Variants in PDLIM3 observed in about 807,000 individuals in gnomAD.
PDLIM3 encodes the protein PDZ and LIM domain 3.
A neutral mutation model predicts 37.3 loss-of-function variants in PDLIM3; 36 were observed. That is an observed-to-expected ratio of 0.97 (90% CI 0.74 to 1.28). PDLIM3 has a LOEUF of 1.28. PDLIM3 is among the 50% of genes most tolerant of loss of function. The pLI is 0.00. For missense variants in PDLIM3, 454 were observed against 485.0 expected (o/e 0.94, Z 0.60); for synonymous variants, 174 against 182.4 (o/e 0.95, Z 0.37).
intron 7 of PDLIM3, among the ~76,000 whole-genome samples, chr4:185,503,012 G>T (rs1425729354): frequency 1.3e-5 from 2 of 152,156 alleles, no homozygotes; most frequent in Non-Finnish European, 2.9e-5. Flanking sequence ...CAGATCACAA[G>T]GTCAGGAGAT....
In PDLIM3 at chr4:185,535,346, G is replaced by A. The variant is rs780461100; in HGVS notation, c.89C>T (p.Thr30Ile). 2 of 1,607,642 alleles carry A rather than the reference G, an allele frequency of 1.2e-6. No homozygotes were observed. Among genetic ancestry groups the A allele is most frequent in the East Asian group, 2.3e-5 (1 of 44,430 alleles). ...AGCAAGAATGCCGACACCTACCCTG[G>A]TGATGACCAAAGGCTGGTTGAAGTC... ...GIDFNQPLVITRITPGSKAAA... is the reference protein window; with the variant it reads ...GIDFNQPLVIIRITPGSKAAA... Residue 30 changes from threonine (T) to isoleucine (I), a missense_variant, in exon 1 of 8, where the codon ACC becomes ATC. Coordinates refer to ENST00000284767, the MANE Select transcript of PDLIM3 (RefSeq NM_014476.6).
chr4:185,525,487 C>T (rs1277363912), intron 1 of PDLIM3, among the ~76,000 whole-genome samples: 1 of 152,108 alleles, frequency 6.6e-6, no homozygotes, highest in Non-Finnish European at 1.5e-5. Flanking sequence ...TTTCATCACC[C>T]AGAAGTCTCT....
intron 4 of PDLIM3, chr4:185,513,555 G>T: frequency 1.0e-6 from 1 of 983,456 alleles, no homozygotes; most frequent in Non-Finnish European, 1.2e-6. Context: ...AATAAAACAT[G>T]CCTGTGAAAT....
intron 4 of PDLIM3, chr4:185,513,146 C>A (rs1036648742): frequency 1.4e-5 from 14 of 983,750 alleles, no homozygotes; most frequent in Non-Finnish European, 1.6e-5. Context: ...TCAGACCAGG[C>A]CCCTGCAGAC....
chr4:185,504,227 CTTTT>C lies in PDLIM3; in HGVS notation c.905+244_905+247del, dbSNP rs969353962. On this transcript the variant is annotated intron_variant, in intron 7 of 7. Coordinates refer to ENST00000284767, the MANE Select transcript of PDLIM3 (RefSeq NM_014476.6). This position sits in a 1 kb window ranked among gnomAD's most constrained non-coding sequence, Gnocchi z 4.7. ...GACTTTTCAACATACATTTGGGCAT[CTTTT>C]TTTTTTCATGAGAATCTATCTGAAA... 4.7e-5 allele frequency among the ~76,000 whole-genome samples: 7 copies of C among 148,480 alleles called. No individual in the cohort carries two copies. The highest frequency in any genetic ancestry group is 1.7e-4 in the African/African-American group (7 of 40,462).
At chr4:185,507,957 C>G (rs1345698164) in intron 5 of PDLIM3, among the ~76,000 whole-genome samples, 1 of 151,952 alleles carries the variant, frequency 6.6e-6, no homozygotes, top group Non-Finnish European at 1.5e-5. Flanking sequence ...AAGTATTACA[C>G]CAGATATTTG....
chr4:185,521,727 T>C (rs1407399877), intron 3 of PDLIM3, among the ~76,000 whole-genome samples: 1 of 65,950 alleles, frequency 1.5e-5, no homozygotes, highest in African/African-American at 2.8e-5. Context: ...ATGCAACAGC[T>C]GAGAGTGATG....
Position 185,525,129 on chromosome 4 carries a change from C to G in PDLIM3, c.136G>C (p.Gly46Arg). 1.2e-6 allele frequency: 2 copies of G among 1,614,208 alleles called. No individual in the cohort carries two copies. Among genetic ancestry groups the G allele is most frequent in the Non-Finnish European group, 1.7e-6 (2 of 1,180,018 alleles). Reference sequence around the variant, plus strand: ...CCGTCAATAGCCAGGATGACATCTCCAGGACACAGGTTGGCAGCTGCCGCC... The same window carrying G: ...CCGTCAATAGCCAGGATGACATCTCGAGGACACAGGTTGGCAGCTGCCGCC... ...SKAAAANLCP[G>R]DVILAIDGFG... The change falls in exon 2 of 8, where the codon GGA becomes CGA. Residue 46 changes from glycine (G) to arginine (R), a missense_variant. Physicochemically the swap from Gly to Arg is moderately radical, Grantham distance 125. Coordinates refer to ENST00000284767, the MANE Select transcript of PDLIM3 (RefSeq NM_014476.6).
chr4:185,524,978 T>C (rs371197285), intron 2 of PDLIM3, 42 bp downstream of exon 2: 26 of 1,604,992 alleles, frequency 1.6e-5, no homozygotes, highest in Non-Finnish European at 2.0e-5. Context: ...CAGGTTCTCC[T>C]GCAAAACAGA....
intron 7 of PDLIM3, 36 bp from the exon 8 acceptor site, chr4:185,502,519 C>T: frequency 6.3e-7 from 1 of 1,594,724 alleles, no homozygotes; most frequent in Admixed American, 1.7e-5. Context: ...GTTAAAAAAC[C>T]ACAGAGCAAA....
At chr4:185,519,686 A>G (rs527356040) in intron 3 of PDLIM3, among the ~76,000 whole-genome samples, 2 of 152,176 alleles carry the variant, frequency 1.3e-5, no homozygotes, top group Non-Finnish European at 2.9e-5. Context: ...GGGGAAAAAA[A>G]CCCCCAGAAA....
In PDLIM3 at chr4:185,522,005, A is replaced by G. The variant is rs2095723989; in HGVS notation, c.330+1357T>C. ...TTAGTGGATTTTAGATTCAGACTCT[A>G]CCTTCCCTTTAGTCAAAACTCTACG... On this transcript the variant is annotated intron_variant, in intron 3 of 7. Coordinates refer to ENST00000284767, the MANE Select transcript of PDLIM3 (RefSeq NM_014476.6). Among the ~76,000 whole-genome samples, 2 of 66,338 alleles carry G rather than the reference A, an allele frequency of 3.0e-5. 1 individual carries two copies. The highest frequency in any genetic ancestry group is 3.4e-4 in the Admixed American group (2 of 5,918). 43.5% of individuals were successfully genotyped at this position (66,338 alleles called of 152,430 possible). A position where few individuals can be genotyped will look rare whatever the true frequency, so the allele number is the denominator to read the frequency against.
intron 4 of PDLIM3, chr4:185,513,094 T>G (rs1057164846): frequency 9.0e-5 from 89 of 984,800 alleles, no homozygotes; most frequent in Admixed American, 6.2e-5. Context: ...GAGCATTTAT[T>G]CTGTCTCATT....
At chr4:185,529,240 G>A (rs1281922086) in intron 1 of PDLIM3, among the ~76,000 whole-genome samples, 4 of 152,132 alleles carry the variant, frequency 2.6e-5, no homozygotes, top group African/African-American at 7.2e-5. Context: ...TCTAGGAGAG[G>A]AGCCAGGGAA....
intron 3 of PDLIM3, among the ~76,000 whole-genome samples, chr4:185,518,058 A>G (rs1276069383): frequency 1.3e-5 from 2 of 152,220 alleles, no homozygotes; most frequent in African/African-American, 4.8e-5. Context: ...TGTTTATTCT[A>G]TCTAGAAAAA....
At chr4:185,511,144 T>C (rs1035193750) in intron 4 of PDLIM3, among the ~76,000 whole-genome samples, 9 of 152,358 alleles carry the variant, frequency 5.9e-5, no homozygotes, top group Non-Finnish European at 1.0e-4. Context: ...GGAAGCAACT[T>C]GTCCAAAAAC....
rs759639015 is a variant in PDLIM3 at position 185,504,562 on chromosome 4, C to T, written c.818G>A (p.Ser273Asn). Residue 273 changes from serine to asparagine, a missense_variant, in exon 7 of 8, where the codon AGT becomes AAT. Coordinates refer to ENST00000284767, the MANE Select transcript of PDLIM3 (RefSeq NM_014476.6). The surrounding 1 kb of genome is among the most constrained non-coding windows in gnomAD (Gnocchi z 4.7). The part of the protein sequence containing the change: ...GSDDRPAGTR[S>N]VRAPVTKVHG... ...GACTTTCGTCACCGGAGCTCTCACACTCCGCGTTCCAGCCGGACGGTCATC... is the reference window on the plus strand; with the variant it reads ...GACTTTCGTCACCGGAGCTCTCACATTCCGCGTTCCAGCCGGACGGTCATC... The T allele has an allele frequency of 1.2e-6, 2 of 1,614,158 alleles. No homozygotes were observed. The highest frequency in any genetic ancestry group is 1.7e-6 in the Non-Finnish European group (2 of 1,180,004).
At chr4:185,513,822 G>A (rs903494871) in intron 4 of PDLIM3, 4 of 1,081,552 alleles carry the variant, frequency 3.7e-6, no homozygotes, top group Non-Finnish European at 4.5e-6. Flanking sequence ...AAGATGATCA[G>A]TTTCTCTACT....
In PDLIM3 at chr4:185,514,731, G is replaced by C; in HGVS notation, c.331-394C>G. 1.3e-6 allele frequency: 2 copies of C among 1,552,134 alleles called. No homozygotes were observed. The highest frequency in any genetic ancestry group is 1.7e-6 in the Non-Finnish European group (2 of 1,147,088). On this transcript the variant is annotated intron_variant, in intron 3 of 7. Coordinates refer to ENST00000284767, the MANE Select transcript of PDLIM3 (RefSeq NM_014476.6). The surrounding 1 kb of genome is among the most constrained non-coding windows in gnomAD (Gnocchi z 4.0). ...TGAGGTGAGCTAGGAATGAGACCCCGCAGCTGTCCGTGAAGCGCATCTTGT... is the reference window on the plus strand; with the variant it reads ...TGAGGTGAGCTAGGAATGAGACCCCCCAGCTGTCCGTGAAGCGCATCTTGT...
Sources: gnomAD v4.1 joint callset for allele counts (sites outside exome capture counted in the v4.1 genomes callset) on GRCh38, gnomAD v4.1.1 for gene constraint, Gnocchi (gnomAD v3.1) non-coding constraint, MANE v1.5 for transcripts, NCBI Gene and HGNC (gene_info 2026-07-23, HGNC 2026-07-21) for gene names.